The following NFYA variants were observed in gnomAD, a reference collection of about 807,000 sequenced individuals.
The protein encoded by NFYA is CAAT-box DNA binding protein subunit A.
A neutral mutation model predicts 52.8 loss-of-function variants in NFYA; 28 were observed. The observed-to-expected ratio is 0.53, with a 90% CI of 0.39 to 0.73. The LOEUF is 0.73. Ranked by LOEUF, NFYA falls within the 30% of genes least tolerant of loss-of-function variation. The pLI, the probability that NFYA is intolerant of heterozygous loss-of-function variation, is 0.00. For synonymous variants in NFYA, 150 were observed against 150.7 expected, an observed-to-expected ratio of 1.00 and a Z score of 0.03; for missense variants, 234 against 427.0, an observed-to-expected ratio of 0.55 and a Z score of 3.98.
chr6:41,084,580 A>G (rs1763990512), intron 4 of NFYA, among the ~76,000 whole-genome samples: 2 of 152,270 alleles, frequency 1.3e-5, no homozygotes, highest in Non-Finnish European at 1.5e-5. Context: ...AATAAAATCT[A>G]GATTGTTTAA....
chr6:41,074,811 A>T (rs138819834), intron 1 of NFYA, among the ~76,000 whole-genome samples: 130 of 152,292 alleles, frequency 8.5e-4, no homozygotes, highest in Middle Eastern at 3.4e-3. Context: ...TGACTTGTTT[A>T]TGGGTTCTGC....
intron 5 of NFYA, 25 bp from the exon 6 acceptor site, chr6:41,090,179 T>C: frequency 6.9e-7 from 1 of 1,447,672 alleles, no homozygotes; most frequent in Non-Finnish European, 9.7e-7. Context: ...ATCTGTTGAA[T>C]TGTGTCATTA....
rs1277357594 is a variant in NFYA at position 41,102,105 on chromosome 6, A to G, written c.*4695A>G. 1.3e-5 allele frequency: 2 copies of G among 152,246 alleles called. No individual in the cohort carries two copies. 9.4% of individuals were successfully genotyped at this position (152,246 alleles called of 1,614,324 possible). A position where few individuals can be genotyped will look rare whatever the true frequency, so the allele number is the denominator to read the frequency against. ...TATCTTCAGTTATTACATTAGTGAC[A>G]TCGTGGAGCGTGAGTGATCATTGTA... On this transcript the variant is annotated 3_prime_UTR_variant, in exon 10 of 10. Transcript: ENST00000341376.
At position 41,089,588 on chromosome 6, in the gene NFYA, G is replaced by A. The variant is rs1222856695; in HGVS notation, c.319G>A (p.Val107Ile). The A allele has an allele frequency of 6.2e-7, 1 of 1,607,752 alleles. No individual in the cohort carries two copies. The highest frequency in any genetic ancestry group is 2.2e-5 in the East Asian group (1 of 44,616). ...ATGTTCTTTTCTGCAGATACAGTTG[G>A]TCCCACCTGGACAGATCCAGATCCA... ...GTQGLQQIQL[V>I]PPGQIQIQGG... Residue 107 changes from valine to isoleucine, a missense_variant, in exon 5 of 10, where the codon GTC becomes ATC. By Grantham distance (29) the Val-to-Ile change is conservative. Coordinates refer to ENST00000341376, the MANE Select transcript of NFYA (RefSeq NM_002505.5).
At chr6:41,093,140 T>C in intron 8 of NFYA, 55 bp downstream of exon 8, 1 of 1,489,328 alleles carries the variant, frequency 6.7e-7, no homozygotes, top group Non-Finnish European at 9.2e-7. Flanking sequence ...GTTCTACTTT[T>C]GAAATTATCT....
intron 4 of NFYA, 144 bp from the exon 5 acceptor site, chr6:41,089,435 A>T: frequency 1.3e-6 from 1 of 768,588 alleles, no homozygotes; most frequent in Non-Finnish European, 1.9e-6. Flanking sequence ...AGTTGTGTCT[A>T]CTTCATAATG....
At chr6:41,084,688 C>A (rs1033340855) in intron 4 of NFYA, among the ~76,000 whole-genome samples, 2 of 152,220 alleles carry the variant, frequency 1.3e-5, no homozygotes, top group African/African-American at 2.4e-5. Flanking sequence ...GAAGGCCAGG[C>A]GCAGTGGCTC....
intron 4 of NFYA, among the ~76,000 whole-genome samples, chr6:41,088,214 C>G (rs896764717): frequency 6.6e-6 from 1 of 151,728 alleles, no homozygotes. Context: ...GTCAGGAGAT[C>G]GAGACCATCC....
rs753283289 is a variant in NFYA, at chr6:41,084,160, G to A, written c.277G>A (p.Val93Ile). The change falls in exon 4 of 10, where the codon GTA becomes ATA. Residue 93 changes from valine to isoleucine, a missense_variant. By Grantham distance (29) the Val-to-Ile change is conservative (BLOSUM62 3). Coordinates refer to ENST00000341376, the MANE Select transcript of NFYA (RefSeq NM_002505.5). ...PGGQGQTIMQVPVSGTQGLQQ... is the reference protein window; with the variant it reads ...PGGQGQTIMQIPVSGTQGLQQ... ...TGGACAAGGTCAAACCATCATGCAAGTACCTGTTTCTGGAACACAGGGTTT... is the reference window on the plus strand; with the variant it reads ...TGGACAAGGTCAAACCATCATGCAAATACCTGTTTCTGGAACACAGGGTTT... 1 of 1,614,082 alleles carries A rather than the reference G, an allele frequency of 6.2e-7. No homozygotes were observed. Among genetic ancestry groups the A allele is most frequent in the South Asian group, 1.1e-5 (1 of 91,048 alleles).
chr6:41,073,202 G>GAGCCT (rs1311221774), intron 1 of NFYA, 118 bp downstream of exon 1: 1 of 151,964 alleles, frequency 6.6e-6, no homozygotes, highest in East Asian at 2.0e-4. Flanking sequence ...GAGTCGAGCT[G>GAGCCT]AGCCTAGCCG....
intron 1 of NFYA, among the ~76,000 whole-genome samples, chr6:41,074,682 G>T (rs1025062214): frequency 6.6e-6 from 1 of 152,206 alleles, no homozygotes; most frequent in African/African-American, 2.4e-5. Flanking sequence ...AGCCCAGTTG[G>T]TAAAATACTT....
intron 1 of NFYA, among the ~76,000 whole-genome samples, chr6:41,074,115 TC>T (rs1396377070): frequency 4.6e-5 from 7 of 152,348 alleles, no homozygotes; most frequent in Non-Finnish European, 8.8e-5. Flanking sequence ...GGGTTTTTTT[TC>T]CCTTTGTTTT....
At chr6:41,079,268 A>G (rs2114088972) in intron 2 of NFYA, 104 bp downstream of exon 2, 1 of 1,064,032 alleles carries the variant, frequency 9.4e-7, no homozygotes, top group East Asian at 2.4e-5. Context: ...AAGATACCAG[A>G]TCTTGTGAGA....
intron 4 of NFYA, among the ~76,000 whole-genome samples, chr6:41,084,514 C>T (rs1003119469): frequency 4.0e-5 from 6 of 151,862 alleles, no homozygotes; most frequent in African/African-American, 7.3e-5. Context: ...AATAACAAAA[C>T]GAGCAAAAAG....
rs575508167 is a variant in NFYA at position 41,101,144 on chromosome 6, G to A, written c.*3734G>A. 1.3e-5 allele frequency: 2 copies of A among 152,350 alleles called. No individual in the cohort carries two copies. Among genetic ancestry groups the A allele is most frequent in the Admixed American group, 6.5e-5 (1 of 15,310 alleles). 9.4% of individuals were successfully genotyped at this position (152,350 alleles called of 1,614,324 possible). A position where few individuals can be genotyped will look rare whatever the true frequency, so the allele number is the denominator to read the frequency against. On this transcript the variant is annotated 3_prime_UTR_variant, in exon 10 of 10. Transcript: ENST00000341376. ...GGGGATGGGAACCCGAGCTCGCCAC[G>A]GCCCAGGGCGTCCTCCTAGGCGTCC...
chr6:41,073,571 TC>T (rs1389045412), intron 1 of NFYA, among the ~76,000 whole-genome samples: 1 of 150,964 alleles, frequency 6.6e-6, no homozygotes, highest in Non-Finnish European at 1.5e-5. Context: ...CGCCCCCCGC[TC>T]CCCGCTCCCA....
At chr6:41,073,567 C>G (rs1436641143) in intron 1 of NFYA, among the ~76,000 whole-genome samples, 2 of 151,900 alleles carry the variant, frequency 1.3e-5, no homozygotes, top group Non-Finnish European at 2.9e-5. Context: ...CCCGCGCCCC[C>G]CGCTCCCCGC....
chr6:41,083,500 C>T (rs1763963819), intron 3 of NFYA, among the ~76,000 whole-genome samples: 1 of 152,182 alleles, frequency 6.6e-6, no homozygotes. Flanking sequence ...TTTGACATTT[C>T]ATTTTAGCTT....
chr6:41,085,314 G>A (rs1278630968), intron 4 of NFYA, among the ~76,000 whole-genome samples: 1 of 152,110 alleles, frequency 6.6e-6, no homozygotes, highest in Non-Finnish European at 1.5e-5. Flanking sequence ...TGCAATCTGA[G>A]TGTCCATTAA....
Sources: gnomAD v4.1 joint callset for allele counts (sites outside exome capture counted in the v4.1 genomes callset) on GRCh38, gnomAD v4.1.1 for gene constraint, MANE v1.5 for transcripts, NCBI Gene and HGNC (gene_info 2026-07-23, HGNC 2026-07-21) for gene names.